Variants in MIDEAS observed in about 807,000 individuals in gnomAD.
The protein encoded by MIDEAS is mitotic deacetylase-associated SANT domain protein.
MIDEAS carries 26 observed loss-of-function variants against 102.7 expected under a neutral mutation model. That is an observed-to-expected ratio of 0.25 (90% CI 0.19 to 0.35). The LOEUF is 0.35. Ranked by LOEUF, MIDEAS falls within the 10% of genes least tolerant of loss-of-function variation. MIDEAS has a pLI of 1.00. For missense variants in MIDEAS, 1,231 were observed against 1,435.6 expected (o/e 0.86, Z 2.30); for synonymous variants, 585 against 591.0 (o/e 0.99, Z 0.15).
At chr14:73,771,026 A>C (rs1159432941) in intron 1 of MIDEAS, among the ~76,000 whole-genome samples, 1 of 152,152 alleles carries the variant, frequency 6.6e-6, no homozygotes, top group Non-Finnish European at 1.5e-5. Flanking sequence ...ATATTCTAGA[A>C]AAGCACAGAG....
Position 73,727,014 on chromosome 14 carries a change from G to A in MIDEAS, c.2163-42C>T, listed in dbSNP as rs79841150. Reference sequence around the variant, plus strand: ...GGCAGGAAGTGAGGCCTCACCTTGCGGGGACGGAGAACTTGATGATCCCTC... The same window carrying A: ...GGCAGGAAGTGAGGCCTCACCTTGCAGGGACGGAGAACTTGATGATCCCTC... On this transcript the variant is annotated intron_variant, in intron 5 of 12. Coordinates refer to ENST00000423556, the MANE Select transcript of MIDEAS (RefSeq NM_001367710.1). 4,289 of 1,550,258 alleles carry A rather than the reference G, an allele frequency of 2.8e-3. 105 individuals are homozygous for A. The African/African-American group carries it at 0.051, about 18-fold the overall frequency.
chr14:73,739,525 G>A lies in MIDEAS; in HGVS notation c.484C>T (p.Pro162Ser), dbSNP rs150679596. Residue 162 changes from proline (P) to serine (S), a missense_variant, in exon 2 of 13, where the codon CCT (proline) becomes TCT (serine). Transcript: ENST00000423556. ...GCTTTCTCCCGCTTCAGTGCCTCAG[G>A]GTGGTTATAGTAAGTCGGGACTCCC... ...GVGVPTYYNH[P>S]EALKREKAGG... is the part of the protein sequence containing the mutation. 3 of 1,614,126 alleles carry A rather than the reference G, an allele frequency of 1.9e-6. No individual in the cohort carries two copies. Among genetic ancestry groups the A allele is most frequent in the South Asian group, 2.2e-5 (2 of 91,088 alleles).
At position 73,716,241 on chromosome 14, in the gene MIDEAS, T is replaced by C. The variant is rs2052886784; in HGVS notation, c.*2602A>G. 1 of 152,354 alleles carries C rather than the reference T, an allele frequency of 6.6e-6. No homozygotes were observed. Among genetic ancestry groups the C allele is most frequent in the African/African-American group, 2.4e-5 (1 of 41,448 alleles). The allele number at this position is 152,354 out of a possible 1,614,324, so 9.4% of individuals were successfully genotyped here. On this transcript the variant is annotated 3_prime_UTR_variant, in exon 13 of 13. Transcript: ENST00000423556. ...CATCTGCCCTCTAAACTTTTTAATT[T>C]TCACACTGTATCCTAGACATGAATG...
At chr14:73,756,267 A>AGAGTGTGT (rs1555344782) in intron 1 of MIDEAS, among the ~76,000 whole-genome samples, 1 of 141,036 alleles carries the variant, frequency 7.1e-6, no homozygotes, top group African/African-American at 2.6e-5. Flanking sequence ...AGCCCATGTC[A>AGAGTGTGT]GTGTGTGTGT....
At chr14:73,768,074 C>A (rs189951084) in intron 1 of MIDEAS, among the ~76,000 whole-genome samples, 1 of 151,868 alleles carries the variant, frequency 6.6e-6, no homozygotes, top group Admixed American at 6.5e-5. Context: ...TGGGGAGAAT[C>A]GCTTGAGCCC....
At chr14:73,734,590 GTTTTGTT>G (rs746842115) in intron 3 of MIDEAS, among the ~76,000 whole-genome samples, 48 of 151,990 alleles carry the variant, frequency 3.2e-4, no homozygotes, top group Non-Finnish European at 7.1e-4. Flanking sequence ...TGTTGTTGTT[GTTTTGTT>G]TTTTGTTTTT....
At chr14:73,735,880 G>A (rs1371544257) in intron 3 of MIDEAS, among the ~76,000 whole-genome samples, 1 of 152,222 alleles carries the variant, frequency 6.6e-6, no homozygotes, top group East Asian at 1.9e-4. Flanking sequence ...GAATTGGCCG[G>A]GTGCGGTGGC....
At chr14:73,772,069 G>A (rs2053646870) in intron 1 of MIDEAS, among the ~76,000 whole-genome samples, 1 of 152,220 alleles carries the variant, frequency 6.6e-6, no homozygotes, top group African/African-American at 2.4e-5. Flanking sequence ...AGCCAGCTGG[G>A]GGCTGGAGGC....
At position 73,759,860 on chromosome 14, in the gene MIDEAS, G is replaced by A. The variant is rs1054773583; in HGVS notation, c.-345C>T. 8 of 151,960 alleles carry A rather than the reference G, an allele frequency of 5.3e-5. No individual in the cohort carries two copies. The highest frequency in any genetic ancestry group is 1.7e-4 in the African/African-American group (7 of 41,410). 9.4% of individuals were successfully genotyped at this position (151,960 alleles called of 1,614,324 possible). A position where few individuals can be genotyped will look rare whatever the true frequency, so the allele number is the denominator to read the frequency against. Reference sequence around the variant, plus strand: ...CCTCCGGGACTCCAGCCGCCTGCACGCACTCCCGATTTTAAAAACAAACAG... The same window carrying A: ...CCTCCGGGACTCCAGCCGCCTGCACACACTCCCGATTTTAAAAACAAACAG... On this transcript the variant is annotated 5_prime_UTR_variant, in exon 1 of 13. Coordinates refer to ENST00000423556, the MANE Select transcript of MIDEAS (RefSeq NM_001367710.1). This position sits in a 1 kb window ranked among gnomAD's most constrained non-coding sequence, Gnocchi z 6.7.
Position 73,740,061 on chromosome 14 carries a change from C to T in MIDEAS, c.-53G>A. 7.0e-7 allele frequency: 1 copy of T among 1,420,028 alleles called. No individual in the cohort carries two copies. Among genetic ancestry groups the T allele is most frequent in the Non-Finnish European group, 9.2e-7 (1 of 1,085,060 alleles). The allele number at this position is 1,420,028 out of a possible 1,614,324, so 88.0% of individuals were successfully genotyped here. On this transcript the variant is annotated 5_prime_UTR_variant, in exon 2 of 13. Coordinates refer to ENST00000423556, the MANE Select transcript of MIDEAS (RefSeq NM_001367710.1). ...AGATCCCCTTCAACAGTCGCCCATC[C>T]CCTGGGGAAACGTCCTGCTGGAAGC...
At chr14:73,776,793 C>T (rs527903809) in intron 1 of MIDEAS, among the ~76,000 whole-genome samples, 186 of 152,072 alleles carry the variant, frequency 1.2e-3, no homozygotes, top group African/African-American at 4.2e-3. Flanking sequence ...AGAACCGTAA[C>T]ATCAGCCTCA....
chr14:73,756,295 T>TGTGTGTGTGCGA (rs55692592), intron 1 of MIDEAS, among the ~76,000 whole-genome samples: 15 of 127,624 alleles, frequency 1.2e-4, no homozygotes, highest in African/African-American at 3.5e-4. Context: ...TGTGTGTGTG[T>TGTGTGTGTGCGA]GCGCGCGCGC....
At chr14:73,734,286 G>A (rs1254643422) in intron 3 of MIDEAS, among the ~76,000 whole-genome samples, 1 of 151,964 alleles carries the variant, frequency 6.6e-6, no homozygotes, top group East Asian at 1.9e-4. Flanking sequence ...CCCGGCCCAG[G>A]ATACATGTTT....
At position 73,736,632 on chromosome 14, in the gene MIDEAS, G is replaced by GAA. The variant is rs11378988; in HGVS notation, c.1749+364_1749+365dup. Among the ~76,000 whole-genome samples, 157 of 147,124 alleles carry GAA rather than the reference G, an allele frequency of 1.1e-3. 1 individual carries two copies. The highest frequency in any genetic ancestry group is 1.1e-3 in the Non-Finnish European group (75 of 66,538). On this transcript the variant is annotated intron_variant, in intron 3 of 12. Transcript: ENST00000423556. ...GGTGACAGAGCAAGACTCTGCCTCA[G>GAA]AAAAAAAAAAAAAGATGTCAAGATC...
intron 3 of MIDEAS, among the ~76,000 whole-genome samples, chr14:73,732,201 CTG>C (rs138782626): frequency 0.14 from 21,585 of 152,250 alleles, 1,921 homozygotes; most frequent in South Asian, 0.28. Context: ...AGAGCAGAGA[CTG>C]TGACGCTCCC....
At chr14:73,727,556 A>AC in intron 4 of MIDEAS, 32 bp from the exon 5 acceptor site, 1 of 1,564,854 alleles carries the variant, frequency 6.4e-7, no homozygotes, top group Non-Finnish European at 8.7e-7. Context: ...GATAAATAGC[A>AC]CCCCCCTTTC....
At chr14:73,726,325 A>AG (rs2053060552) in intron 7 of MIDEAS, among the ~76,000 whole-genome samples, 1 of 152,170 alleles carries the variant, frequency 6.6e-6, no homozygotes, top group African/African-American at 2.4e-5. Context: ...CATGGCCCCA[A>AG]GGGAGGCAGC....
chr14:73,729,653 C>G lies in MIDEAS; in HGVS notation c.2082G>C (p.Thr694=). ...GAGGTCACTCACTAGTCCGGAGCAG[C>G]GTGCGATGGGCACTCTTAGGCGTGA... ...PPITPKSAHR[T]LLRTNSAEVT... The change falls in exon 4 of 13, where the codon ACG becomes ACC. Residue 694 remains threonine (T), a synonymous_variant. Coordinates refer to ENST00000423556, the MANE Select transcript of MIDEAS (RefSeq NM_001367710.1). The G allele has an allele frequency of 6.2e-7, 1 of 1,608,628 alleles. No homozygotes were observed. Among genetic ancestry groups the G allele is most frequent in the Non-Finnish European group, 8.5e-7 (1 of 1,176,640 alleles).
intron 3 of MIDEAS, among the ~76,000 whole-genome samples, chr14:73,733,173 G>T (rs566116354): frequency 6.6e-6 from 1 of 152,218 alleles, no homozygotes; most frequent in East Asian, 1.9e-4. Context: ...CCAGGCTTTG[G>T]ATTGGGACTC....
Sources: allele counts gnomAD v4.1 joint callset (sites outside exome capture counted in the v4.1 genomes callset), GRCh38; gene constraint gnomAD v4.1.1; non-coding constraint Gnocchi (gnomAD v3.1); transcripts MANE v1.5; gene names NCBI Gene and HGNC (gene_info 2026-07-23, HGNC 2026-07-21).